The following EFR3B variants were observed in gnomAD, a reference collection of about 807,000 sequenced individuals.
EFR3B encodes protein EFR3 homolog B.
EFR3B carries 64 observed loss-of-function variants against 104.7 expected under a neutral mutation model. The ratio of observed to expected loss-of-function variants is 0.61; its 90% CI spans 0.50 to 0.75. The LOEUF is 0.75. Among genes scored for constraint, EFR3B ranks in the 30% least tolerant of loss-of-function variants. The pLI, the probability that EFR3B is intolerant of heterozygous loss-of-function variation, is 0.00. For synonymous variants in EFR3B, 385 were observed against 417.9 expected (o/e 0.92, Z 0.96); for missense variants, 750 against 1,078.5 (o/e 0.70, Z 4.27).
rs145792890 is a variant in EFR3B at position 25,154,191 on chromosome 2, A to G, written c.2349-44A>G. On this transcript the variant is annotated intron_variant, in intron 22 of 22. Coordinates refer to ENST00000403714, the MANE Select transcript of EFR3B (RefSeq NM_014971.2). This position sits in a 1 kb window ranked among gnomAD's most constrained non-coding sequence, Gnocchi z 4.1. ...GGTTGCACAAGGGTGGGATCCTAAA[A>G]TTCTCTTTTCATGCCTTTCTCCCCA... The G allele has an allele frequency of 1.2e-4, 182 of 1,536,318 alleles. 1 individual carries two copies. In the East Asian group the frequency reaches 3.7e-3, roughly 31 times the overall value.
intron 1 of EFR3B, among the ~76,000 whole-genome samples, chr2:25,046,504 G>GTTTTTTTTTTTTTTTTTTTTTTTTTTTT: frequency 1.1e-5 from 1 of 90,996 alleles, no homozygotes; most frequent in Non-Finnish European, 2.3e-5. Context: ...GAAGTACAAA[G>GTTTTTTTTTTTTTTTTTTTTTTTTTTTT]TCTTTTTTTT....
chr2:25,110,079 C>A (rs1199469554), intron 4 of EFR3B, among the ~76,000 whole-genome samples: 1 of 152,058 alleles, frequency 6.6e-6, no homozygotes, highest in Non-Finnish European at 1.5e-5. Flanking sequence ...CTGTGCAGCA[C>A]CCTGTTCCCC....
intron 19 of EFR3B, chr2:25,145,920 G>A (rs981598865): frequency 2.0e-5 from 3 of 151,592 alleles, no homozygotes; most frequent in Non-Finnish European, 4.4e-5. Flanking sequence ...GAAGTCTGTC[G>A]TTTACACTGG....
intron 1 of EFR3B, chr2:25,080,681 T>G: frequency 1.4e-6 from 1 of 737,836 alleles, no homozygotes; most frequent in Non-Finnish European, 2.3e-6. Context: ...CCAATGTAGT[T>G]GAGATCTGCC....
intron 1 of EFR3B, among the ~76,000 whole-genome samples, chr2:25,084,079 G>T (rs1239060127): frequency 6.6e-6 from 1 of 152,122 alleles, no homozygotes; most frequent in Non-Finnish European, 1.5e-5. Context: ...TTGGGGTTCA[G>T]ATTCTAGCTG....
chr2:25,042,414 G>T lies in EFR3B; in HGVS notation c.7+95G>T. On this transcript the variant is annotated intron_variant, in intron 1 of 22. Coordinates refer to ENST00000403714, the MANE Select transcript of EFR3B (RefSeq NM_014971.2). This position sits in a 1 kb window ranked among gnomAD's most constrained non-coding sequence, Gnocchi z 5.4. ...TTGTCCCCCTGCACGGCCCTGGCGC[G>T]GGGCCAGGCCGCTGACCTGGTGCCC... The T allele has an allele frequency of 8.2e-7, 1 of 1,220,676 alleles. No individual in the cohort carries two copies. 75.6% of individuals were successfully genotyped at this position (1,220,676 alleles called of 1,614,324 possible). A position where few individuals can be genotyped will look rare whatever the true frequency, so the allele number is the denominator to read the frequency against.
intron 1 of EFR3B, among the ~76,000 whole-genome samples, chr2:25,073,491 G>A (rs1211247751): frequency 6.6e-6 from 1 of 151,758 alleles, no homozygotes; most frequent in African/African-American, 2.4e-5. Flanking sequence ...CCAAATAGCT[G>A]GGACTACAGG....
rs1435787048 is a variant in EFR3B at position 25,042,794 on chromosome 2, A to G, written c.7+475A>G. 1 of 669,856 alleles carries G rather than the reference A, an allele frequency of 1.5e-6. No individual in the cohort carries two copies. Among genetic ancestry groups the G allele is most frequent in the Non-Finnish European group, 1.8e-6 (1 of 541,218 alleles). 41.5% of individuals were successfully genotyped at this position (669,856 alleles called of 1,614,324 possible). A position where few individuals can be genotyped will look rare whatever the true frequency, so the allele number is the denominator to read the frequency against. On this transcript the variant is annotated intron_variant, in intron 1 of 22. Transcript: ENST00000403714. This position sits in a 1 kb window ranked among gnomAD's most constrained non-coding sequence, Gnocchi z 5.4. ...CGGCGCAGAGGCCCGGGGAGCAGCC[A>G]GTGGCCGAGTCTCGTCTCGCCCGCC... is the stretch of plus-strand genomic sequence containing the variant.
At chr2:25,111,695 C>T (rs1221114202) in intron 4 of EFR3B, among the ~76,000 whole-genome samples, 2 of 152,162 alleles carry the variant, frequency 1.3e-5, no homozygotes, top group African/African-American at 4.8e-5. Flanking sequence ...AAGAGGGACG[C>T]AGGAGGATCA....
intron 1 of EFR3B, among the ~76,000 whole-genome samples, chr2:25,059,912 G>T (rs1450382024): frequency 6.7e-6 from 1 of 150,034 alleles, no homozygotes; most frequent in Non-Finnish European, 1.5e-5. Flanking sequence ...GACTAAAATG[G>T]GCCAGGTGCA....
rs893339895 is a variant in EFR3B at position 25,136,185 on chromosome 2, G to A, written c.1485-338G>A. On this transcript the variant is annotated intron_variant, in intron 13 of 22. Transcript: ENST00000403714. The surrounding 1 kb of genome is among the most constrained non-coding windows in gnomAD (Gnocchi z 4.0). ...ATTTAAAAATTAGCCGAGTGTGGTG[G>A]CTCACACCTGTGGTCCCAGCTCTTT... Among the ~76,000 whole-genome samples the A allele has an allele frequency of 5.3e-5, 8 of 152,264 alleles. No homozygotes were observed. Among genetic ancestry groups the A allele is most frequent in the African/African-American group, 1.4e-4 (6 of 41,546 alleles).
intron 1 of EFR3B, among the ~76,000 whole-genome samples, chr2:25,074,068 G>A (rs951860569): frequency 2.6e-5 from 4 of 152,162 alleles, no homozygotes; most frequent in African/African-American, 7.2e-5. Flanking sequence ...TTGGCACAGT[G>A]GGGGGGACTC....
intron 16 of EFR3B, among the ~76,000 whole-genome samples, chr2:25,140,946 CAGG>C (rs533159289): frequency 6.2e-4 from 91 of 147,218 alleles, no homozygotes; most frequent in African/African-American, 2.2e-3. Context: ...GAGGCTGAGG[CAGG>C]AGAATTGCTT....
At chr2:25,045,121 G>T (rs552280719) in intron 1 of EFR3B, among the ~76,000 whole-genome samples, 2 of 152,266 alleles carry the variant, frequency 1.3e-5, no homozygotes, top group East Asian at 3.9e-4. Flanking sequence ...TGTCCTCTTT[G>T]GGCCCCCTTG....
intron 5 of EFR3B, among the ~76,000 whole-genome samples, chr2:25,122,768 A>G (rs1670050429): frequency 6.6e-6 from 1 of 151,760 alleles, no homozygotes; most frequent in South Asian, 2.1e-4. Flanking sequence ...CCCTTTTAAC[A>G]TGTTTCATAC....
At position 25,131,951 on chromosome 2, in the gene EFR3B, G is replaced by T; in HGVS notation, c.1147+40G>T. ...CGGGCCGGGGCGGGGCGGGGCCGAG[G>T]CGCGGAGTGGGGAGGGGAGGGGAGG... On this transcript the variant is annotated intron_variant, in intron 10 of 22. Transcript: ENST00000403714. This position sits in a 1 kb window ranked among gnomAD's most constrained non-coding sequence, Gnocchi z 7.6. 7.2e-7 allele frequency: 1 copy of T among 1,386,746 alleles called. No individual in the cohort carries two copies. The highest frequency in any genetic ancestry group is 9.4e-7 in the Non-Finnish European group (1 of 1,067,886). The allele number at this position is 1,386,746 out of a possible 1,614,324, so 85.9% of individuals were successfully genotyped here. A position where few individuals can be genotyped will look rare whatever the true frequency, so the allele number is the denominator to read the frequency against.
At chr2:25,090,526 CATA>C (rs1669083061) in intron 1 of EFR3B, among the ~76,000 whole-genome samples, 1 of 152,198 alleles carries the variant, frequency 6.6e-6, no homozygotes, top group Admixed American at 6.5e-5. Flanking sequence ...TTTACACAAA[CATA>C]CCACAGGGTT....
At chr2:25,132,821 G>T (rs867274694) in intron 10 of EFR3B, 82 bp from the exon 11 acceptor site, 2 of 1,163,880 alleles carry the variant, frequency 1.7e-6, no homozygotes, top group African/African-American at 1.5e-5. Flanking sequence ...GGCAGCCCTC[G>T]CTCTCTGCAG....
rs553731068 is a variant in EFR3B, at chr2:25,132,940, C to A, written c.1185C>A (p.Ser395=). The change falls in exon 11 of 23, where the codon TCC becomes TCA. Residue 395 remains serine, a synonymous_variant. Transcript: ENST00000403714. The part of the protein sequence containing the change: ...FASTLPTYQR[S]EVILFIMSKV... The stretch of plus-strand genomic sequence containing the variant: ...GCACGCTGCCCACCTACCAGCGCTC[C>A]GAGGTGATCCTCTTCATCATGAGCA... 736 of 1,551,572 alleles carry A rather than the reference C, an allele frequency of 4.7e-4. 10 individuals carry two copies. In the South Asian group the frequency reaches 7.8e-3, roughly 17 times the overall value.
Sources: allele counts gnomAD v4.1 joint callset (sites outside exome capture counted in the v4.1 genomes callset), GRCh38; gene constraint gnomAD v4.1.1; non-coding constraint Gnocchi (gnomAD v3.1); transcripts MANE v1.5; gene names NCBI Gene and HGNC (gene_info 2026-07-23, HGNC 2026-07-21).